The following VOPP1 variants were observed in gnomAD, a reference collection of about 807,000 sequenced individuals.
VOPP1 encodes the protein WW domain binding protein VOPP1.
In VOPP1, 8 loss-of-function variants were observed where a neutral mutation model predicts 23.5. The ratio of observed to expected loss-of-function variants is 0.34; its 90% confidence interval spans 0.20 to 0.61. The LOEUF (loss-of-function observed/expected upper bound fraction) is 0.61. Among genes scored for constraint, VOPP1 ranks in the 20% least tolerant of loss-of-function variants. VOPP1 has a pLI of 0.78. For synonymous variants in VOPP1, 83 were observed against 97.3 expected (o/e 0.85, Z 0.86); for missense variants, 174 against 238.1 (o/e 0.73, Z 1.77).
chr7:55,509,584 G>C (rs889528802), intron 2 of VOPP1, among the ~76,000 whole-genome samples: 1 of 152,174 alleles, frequency 6.6e-6, no homozygotes, highest in Admixed American at 6.5e-5. Flanking sequence ...CACATATTCA[G>C]ACTATAGCAG....
chr7:55,439,437 T>C (rs1790910930), intron 4 of VOPP1, among the ~76,000 whole-genome samples: 1 of 152,120 alleles, frequency 6.6e-6, no homozygotes, highest in Non-Finnish European at 1.5e-5. Flanking sequence ...AGGAGTTTCA[T>C]TGAAAAGGTA....
intron 1 of VOPP1, among the ~76,000 whole-genome samples, chr7:55,557,130 G>C (rs1021772766): frequency 1.3e-5 from 2 of 152,142 alleles, no homozygotes; most frequent in African/African-American, 4.8e-5. Flanking sequence ...TTATTTAAAT[G>C]CTCTTTAAAT....
At chr7:55,497,846 A>G (rs1253165950) in intron 2 of VOPP1, among the ~76,000 whole-genome samples, 156 bp from the exon 3 acceptor site, 1 of 152,250 alleles carries the variant, frequency 6.6e-6, no homozygotes, top group Non-Finnish European at 1.5e-5. Flanking sequence ...TCACAGAACC[A>G]GCAGAGCAGA....
At chr7:55,559,009 T>A (rs1797898334) in intron 1 of VOPP1, among the ~76,000 whole-genome samples, 1 of 152,212 alleles carries the variant, frequency 6.6e-6, no homozygotes, top group Non-Finnish European at 1.5e-5. Context: ...TATATTAATT[T>A]TATTTGTGCC....
chr7:55,449,683 T>G (rs949983117), intron 4 of VOPP1, among the ~76,000 whole-genome samples: 13 of 152,172 alleles, frequency 8.5e-5, no homozygotes, highest in Non-Finnish European at 1.8e-4. Context: ...ACCAGGTTCC[T>G]GCAGAGGCGT....
intron 1 of VOPP1, among the ~76,000 whole-genome samples, chr7:55,561,132 C>T (rs899169748): frequency 6.6e-6 from 1 of 152,222 alleles, no homozygotes; most frequent in African/African-American, 2.4e-5. Flanking sequence ...AACCGCTGTG[C>T]GACCTTCACC....
rs547753016 is a variant in VOPP1 at position 55,441,544 on chromosome 7, T to A, written n.418-5370A>T. The stretch of plus-strand genomic sequence containing the variant: ...TGCCTTATGGGGTTATTGGGAGGAT[T>A]AAATAATTTGAGTAACGCACTTAGC... On this transcript the variant is annotated intron_variant and non_coding_transcript_variant, in intron 4 of 4. Coordinates refer to the VOPP1 transcript ENST00000462326. 2.0e-5 allele frequency among the ~76,000 whole-genome samples: 3 copies of A among 152,336 alleles called. No individual in the cohort carries two copies. The East Asian group carries it at 5.8e-4, about 29-fold the overall frequency.
chr7:55,570,877 G>T (rs1056289272), intron 1 of VOPP1, among the ~76,000 whole-genome samples: 1 of 152,138 alleles, frequency 6.6e-6, no homozygotes, highest in Non-Finnish European at 1.5e-5. Context: ...AGGAGGCGGA[G>T]ATTGCAGTGA....
intron 2 of VOPP1, among the ~76,000 whole-genome samples, chr7:55,511,982 C>T (rs182806632): frequency 2.0e-5 from 3 of 152,260 alleles, no homozygotes; most frequent in Non-Finnish European, 1.5e-5. Context: ...TGAGAACCTT[C>T]AATAGTTAAA....
intron 4 of VOPP1, among the ~76,000 whole-genome samples, chr7:55,446,652 C>T (rs1791108686): frequency 6.6e-6 from 1 of 152,244 alleles, no homozygotes; most frequent in South Asian, 2.1e-4. Context: ...CTTCAACAAA[C>T]ATCTTCTTAT....
Position 55,563,945 on chromosome 7 carries a change from G to T in VOPP1, c.54+8326C>A, listed in dbSNP as rs1798068934. Reference sequence around the variant, plus strand: ...AGCTAGAGAAAGCTGCTCAATTTGGGAGGAAAGAAATGAGAAGGAAAGAAA... The same window carrying T: ...AGCTAGAGAAAGCTGCTCAATTTGGTAGGAAAGAAATGAGAAGGAAAGAAA... On this transcript the variant is annotated intron_variant, in intron 1 of 4. Coordinates refer to ENST00000285279, the MANE Select transcript of VOPP1 (RefSeq NM_030796.5). Among the ~76,000 whole-genome samples the T allele has an allele frequency of 2.6e-5, 4 of 152,170 alleles. No homozygotes were observed. In the South Asian group the frequency reaches 8.3e-4, roughly 32 times the overall value.
intron 1 of VOPP1, among the ~76,000 whole-genome samples, chr7:55,554,269 T>C (rs187298602): frequency 5.2e-4 from 79 of 152,188 alleles, no homozygotes; most frequent in African/African-American, 1.9e-3. Context: ...GGCTGTGGAG[T>C]TGCCAAGGTC....
intron 1 of VOPP1, chr7:55,538,810 T>C (rs1214887107): frequency 1.9e-6 from 1 of 520,204 alleles, no homozygotes; most frequent in Non-Finnish European, 3.3e-6. Context: ...CCAAGCAACA[T>C]TTCTTAAAAA....
At chr7:55,503,514 A>G (rs1263957663) in intron 2 of VOPP1, among the ~76,000 whole-genome samples, 1 of 152,248 alleles carries the variant, frequency 6.6e-6, no homozygotes, top group African/African-American at 2.4e-5. Context: ...TCTATGTAAA[A>G]AAGAAAAAAA....
At chr7:55,462,691 T>C (rs1391847261) in intron 4 of VOPP1, among the ~76,000 whole-genome samples, 1 of 145,512 alleles carries the variant, frequency 6.9e-6, no homozygotes, top group East Asian at 2.0e-4. Context: ...AGTCTCGCTC[T>C]GTTGCCCAGG....
intron 4 of VOPP1, among the ~76,000 whole-genome samples, chr7:55,451,834 T>C (rs998740285): frequency 1.3e-5 from 2 of 152,180 alleles, no homozygotes; most frequent in Non-Finnish European, 2.9e-5. Flanking sequence ...CTAACGGTTA[T>C]CTGGGCTTTC....
chr7:55,562,362 A>G (rs1478729012), intron 1 of VOPP1, among the ~76,000 whole-genome samples: 4 of 152,048 alleles, frequency 2.6e-5, no homozygotes, highest in Admixed American at 1.3e-4. Context: ...CCTCCCTCCC[A>G]TTTCTAGTCT....
intron 1 of VOPP1, among the ~76,000 whole-genome samples, chr7:55,546,327 A>G (rs1048286879): frequency 3.3e-5 from 5 of 152,244 alleles, no homozygotes; most frequent in South Asian, 2.1e-4. Flanking sequence ...GAATAGTTGT[A>G]CAAAGAGAAC....
intron 4 of VOPP1, among the ~76,000 whole-genome samples, chr7:55,455,637 G>A (rs1166276126): frequency 3.3e-5 from 5 of 152,166 alleles, no homozygotes; most frequent in Non-Finnish European, 5.9e-5. Flanking sequence ...AGAGACCTCA[G>A]AAATAACACC....
Sources: allele counts gnomAD v4.1 joint callset (sites outside exome capture counted in the v4.1 genomes callset), GRCh38; gene constraint gnomAD v4.1.1; transcripts MANE v1.5; gene names NCBI Gene and HGNC (gene_info 2026-07-23, HGNC 2026-07-21).